The following SF3B4 variants were observed in gnomAD, a reference collection of about 807,000 sequenced individuals.
SF3B4 encodes the protein SAP 49.
SF3B4 carries 3 observed loss-of-function variants against 34.3 expected under a neutral mutation model. The observed-to-expected ratio is 0.09, with a 90% CI of 0.04 to 0.23. The LOEUF is 0.23. Ranked by LOEUF, SF3B4 falls within the 10% of genes least tolerant of loss-of-function variation. The pLI is 1.00. For missense variants in SF3B4, 283 were observed against 567.2 expected, an observed-to-expected ratio of 0.50 and a Z score of 5.09; for synonymous variants, 216 against 207.8, an observed-to-expected ratio of 1.04 and a Z score of -0.34.
chr1:149,926,057 GA>G lies in SF3B4; in HGVS notation c.707-16del. Reference sequence around the variant, plus strand: ...AGGAGGCATGCCTATAGAGGAAATGGAAAAAGGAAGAGTTAATGGTAGTGAG... The same window carrying G: ...AGGAGGCATGCCTATAGAGGAAATGGAAAAGGAAGAGTTAATGGTAGTGAG... On this transcript the variant is annotated splice_polypyrimidine_tract_variant and intron_variant, in intron 3 of 5. Transcript: ENST00000271628. This position sits in a 1 kb window ranked among gnomAD's most constrained non-coding sequence, Gnocchi z 6.2. 6.8e-6 allele frequency: 9 copies of G among 1,324,774 alleles called. No individual in the cohort carries two copies. Among genetic ancestry groups the G allele is most frequent in the Non-Finnish European group, 9.3e-6 (9 of 966,690 alleles). 82.1% of individuals were successfully genotyped at this position (1,324,774 alleles called of 1,614,324 possible).
intron 4 of SF3B4, among the ~76,000 whole-genome samples, chr1:149,924,644 T>C (rs1037351642): frequency 1.3e-5 from 2 of 152,120 alleles, no homozygotes; most frequent in Non-Finnish European, 2.9e-5. Context: ...TTTGAGAAAG[T>C]AGCAGAGGAC....
At chr1:149,924,428 C>T (rs1441497254) in intron 4 of SF3B4, among the ~76,000 whole-genome samples, 5 of 152,116 alleles carry the variant, frequency 3.3e-5, no homozygotes, top group African/African-American at 9.6e-5. Flanking sequence ...CAGAGTGAGA[C>T]CCCATCACCA....
In SF3B4 at chr1:149,923,978, T is replaced by C; in HGVS notation, c.950A>G (p.His317Arg). The change falls in exon 5 of 6, where the codon CAT (histidine) becomes CGT (arginine). Residue 317 changes from histidine (H) to arginine (R), a missense_variant. Physicochemically the swap from His to Arg is conservative, Grantham distance 29. Around this residue, in one of 4 missense-constraint regions of SF3B4, gnomAD observed 208 missense variants for 292.6 expected, o/e 0.71. Coordinates refer to ENST00000271628, the MANE Select transcript of SF3B4 (RefSeq NM_005850.5). The stretch of plus-strand genomic sequence containing the variant: ...TCCAGCGTGGGGATGTCCTAAGCCA[T>C]GAGGGCCATGGTGTGCAAGCTGCAT... ...SQMQLAHHGP[H>R]GLGHPHAGPP... is the part of the protein sequence containing the mutation. The C allele has an allele frequency of 6.4e-7, 1 of 1,573,058 alleles. No individual in the cohort carries two copies.
In SF3B4 at chr1:149,925,887, G is replaced by C; in HGVS notation, c.862C>G (p.His288Asp). 6.2e-7 allele frequency: 1 copy of C among 1,608,612 alleles called. No individual in the cohort carries two copies. The highest frequency in any genetic ancestry group is 8.5e-7 in the Non-Finnish European group (1 of 1,176,466). ...AATGGGTGAGGATGTGAGTGTCCATGACCAGGATGTCCTGCCCCTGGGGTT... is the reference window on the plus strand; with the variant it reads ...AATGGGTGAGGATGTGAGTGTCCATCACCAGGATGTCCTGCCCCTGGGGTT... ...AGTPGAGHPG[H>D]GHSHPHPFPP... The change falls in exon 4 of 6, where the codon CAT (histidine) becomes GAT (aspartate). Residue 288 changes from histidine (H) to aspartate (D), a missense_variant. Physicochemically the swap from His to Asp is moderately conservative, Grantham distance 81. Coordinates refer to ENST00000271628, the MANE Select transcript of SF3B4 (RefSeq NM_005850.5).
At chr1:149,927,053 A>C in intron 2 of SF3B4, 113 bp downstream of exon 2, 1 of 1,487,448 alleles carries the variant, frequency 6.7e-7, no homozygotes, top group Non-Finnish European at 9.1e-7. Flanking sequence ...CCAGAAATAA[A>C]CTGAAGAGAG....
chr1:149,926,129 C>T lies in SF3B4; in HGVS notation c.707-87G>A. On this transcript the variant is annotated intron_variant, in intron 3 of 5. Coordinates refer to ENST00000271628, the MANE Select transcript of SF3B4 (RefSeq NM_005850.5). The surrounding 1 kb of genome is among the most constrained non-coding windows in gnomAD (Gnocchi z 6.2). ...CCTGTCCTGATCTGGCCTCTCCAGG[C>T]AGGGTGAGCTCTTTCCCCCTCCTCC... 1 of 730,918 alleles carries T rather than the reference C, an allele frequency of 1.4e-6. No individual in the cohort carries two copies. The highest frequency in any genetic ancestry group is 2.2e-6 in the Non-Finnish European group (1 of 449,570). The allele number at this position is 730,918 out of a possible 1,614,324, so 45.3% of individuals were successfully genotyped here. A position where few individuals can be genotyped will look rare whatever the true frequency, so the allele number is the denominator to read the frequency against.
chr1:149,927,086 G>A (rs782353230), intron 2 of SF3B4, 80 bp downstream of exon 2: 9 of 1,558,122 alleles, frequency 5.8e-6, no homozygotes, highest in Non-Finnish European at 7.0e-6. Flanking sequence ...AAAATCTTTA[G>A]GTTGCTCATG....
chr1:149,924,755 T>G (rs1326574882), intron 4 of SF3B4, among the ~76,000 whole-genome samples: 1 of 152,108 alleles, frequency 6.6e-6, no homozygotes, highest in Non-Finnish European at 1.5e-5. Context: ...CATGTGCAAG[T>G]CACAGGTGTG....
intron 5 of SF3B4, 49 bp downstream of exon 5, chr1:149,923,792 G>C (rs782344042): frequency 8.5e-6 from 13 of 1,534,874 alleles, no homozygotes; most frequent in Non-Finnish European, 9.6e-6. Context: ...ACAGGAAGCT[G>C]TAAGAACATG....
At chr1:149,925,675 G>C (rs781787432) in intron 4 of SF3B4, 161 bp downstream of exon 4, 4 of 715,540 alleles carry the variant, frequency 5.6e-6, no homozygotes, top group Non-Finnish European at 1.0e-5. Flanking sequence ...ATTCAGGGTG[G>C]TAGATGTTAG....
intron 4 of SF3B4, among the ~76,000 whole-genome samples, chr1:149,925,424 C>CAG (rs1174987426): frequency 1.3e-5 from 2 of 151,662 alleles, no homozygotes; most frequent in African/African-American, 4.8e-5. Context: ...ATTAAGAAGT[C>CAG]AGAGAGAGGG....
Position 149,926,857 on chromosome 1 carries a change from G to A in SF3B4, c.225C>T (p.Asn75=). The change falls in exon 3 of 6, where the codon AAC becomes AAT. Residue 75 remains asparagine, a synonymous_variant. Coordinates refer to ENST00000271628, the MANE Select transcript of SF3B4 (RefSeq NM_005850.5). The surrounding 1 kb of genome is among the most constrained non-coding windows in gnomAD (Gnocchi z 6.2). The part of the protein sequence containing the change: ...EDADYAIKIM[N]MIKLYGKPIR... The stretch of plus-strand genomic sequence containing the variant: ...TTGGCTTCCCATAGAGTTTGATCAT[G>A]TTCATGATCTTAATGGCATAGTCAG... The A allele has an allele frequency of 6.2e-7, 1 of 1,613,972 alleles. No individual in the cohort carries two copies. Among genetic ancestry groups the A allele is most frequent in the African/African-American group, 1.3e-5 (1 of 74,996 alleles).
chr1:149,927,324 G>A lies in SF3B4; in HGVS notation c.35-30C>T, dbSNP rs970507513. 3.1e-6 allele frequency: 5 copies of A among 1,610,196 alleles called. No homozygotes were observed. The Middle Eastern group carries it at 4.9e-4, about 159-fold the overall frequency. On this transcript the variant is annotated intron_variant, in intron 1 of 5. Transcript: ENST00000271628. Reference sequence around the variant, plus strand: ...AAGGGAGGGAGCAAAAAGAGCAAGCGTGAGAGTGTAACGGGAAGGAAGGAA... The same window carrying A: ...AAGGGAGGGAGCAAAAAGAGCAAGCATGAGAGTGTAACGGGAAGGAAGGAA...
At chr1:149,924,761 G>A (rs1553765751) in intron 4 of SF3B4, among the ~76,000 whole-genome samples, 1 of 152,166 alleles carries the variant, frequency 6.6e-6, no homozygotes, top group Admixed American at 6.5e-5. Flanking sequence ...CAAGTCACAG[G>A]TGTGGCAAAC....
chr1:149,927,765 A>T lies in SF3B4; in HGVS notation c.-6T>A. 6.4e-7 allele frequency: 1 copy of T among 1,552,814 alleles called. No individual in the cohort carries two copies. Among genetic ancestry groups the T allele is most frequent in the Non-Finnish European group, 8.7e-7 (1 of 1,147,650 alleles). ...GAGATCGGCCCGGCAGCCATGGCGA[A>T]AGAGATCCCGCCGTCTCCCAGCAGC... On this transcript the variant is annotated 5_prime_UTR_variant, in exon 1 of 6. Transcript: ENST00000271628.
At chr1:149,925,688 A>T in intron 4 of SF3B4, 148 bp downstream of exon 4, 1 of 730,568 alleles carries the variant, frequency 1.4e-6, no homozygotes, top group Non-Finnish European at 2.5e-6. Context: ...GATGTTAGAG[A>T]GCATTTTGTA....
chr1:149,927,573 C>T, intron 1 of SF3B4, 153 bp downstream of exon 1: 2 of 1,034,336 alleles, frequency 1.9e-6, no homozygotes, highest in Non-Finnish European at 2.8e-6. Context: ...CAGCCAGCAC[C>T]CGGCCACCCC....
At position 149,926,287 on chromosome 1, in the gene SF3B4, C is replaced by T. The variant is rs1421065967; in HGVS notation, c.706+89G>A. 3 of 1,179,748 alleles carry T rather than the reference C, an allele frequency of 2.5e-6. No homozygotes were observed. The highest frequency in any genetic ancestry group is 3.1e-5 in the African/African-American group (2 of 65,168). 73.1% of individuals were successfully genotyped at this position (1,179,748 alleles called of 1,614,324 possible). ...TCCCATCAACTCACTGACTCAATGT[C>T]CCCTGTCCCCCTTTCAGACTTGTTT... is the stretch of plus-strand genomic sequence containing the variant. On this transcript the variant is annotated intron_variant, in intron 3 of 5. Transcript: ENST00000271628. This position sits in a 1 kb window ranked among gnomAD's most constrained non-coding sequence, Gnocchi z 6.2.
chr1:149,925,292 TAG>T (rs1443803157), intron 4 of SF3B4, among the ~76,000 whole-genome samples: 1 of 152,056 alleles, frequency 6.6e-6, no homozygotes, highest in African/African-American at 2.4e-5. Context: ...AGCTACGGAC[TAG>T]AGATACAGAC....
Sources: gnomAD v4.1 joint callset for allele counts (sites outside exome capture counted in the v4.1 genomes callset) on GRCh38, gnomAD v4.1.1 for gene constraint, gnomAD v4.1.1 regional missense constraint, Gnocchi (gnomAD v3.1) non-coding constraint, MANE v1.5 for transcripts, NCBI Gene and HGNC (gene_info 2026-07-23, HGNC 2026-07-21) for gene names.